The following NMRK2 variants were observed in gnomAD, a reference collection of about 807,000 sequenced individuals.
NMRK2 encodes the protein NRK 2.
NMRK2 carries 34 observed loss-of-function variants against 24.7 expected under a neutral mutation model. The ratio of observed to expected loss-of-function variants is 1.37; its 90% CI spans 1.05 to 1.83. NMRK2 has a LOEUF of 1.83. Among genes scored for constraint, NMRK2 ranks in the 40% most tolerant of loss-of-function variants. The pLI is 0.00. For synonymous variants in NMRK2, 145 were observed against 125.6 expected, an observed-to-expected ratio of 1.15 and a Z score of -1.03; for missense variants, 341 against 315.0, an observed-to-expected ratio of 1.08 and a Z score of -0.62.
At chr19:3,937,176 C>A in intron 3 of NMRK2, 64 bp from the exon 4 acceptor site, 2 of 1,563,204 alleles carry the variant, frequency 1.3e-6, no homozygotes, top group Non-Finnish European at 1.8e-6. Context: ...AAGACTCCAT[C>A]ACCCAGGCCG....
intron 2 of NMRK2, among the ~76,000 whole-genome samples, chr19:3,935,883 T>TG (rs1476098515): frequency 3.3e-5 from 5 of 152,036 alleles, no homozygotes; most frequent in Non-Finnish European, 7.4e-5. Context: ...TGCTGTTTTA[T>TG]TTTTTTAAGC....
chr19:3,933,511 T>G lies in NMRK2; in HGVS notation c.-161T>G. ...AACAGGTGCCGGCGCCTCCGCCCCA[T>G]CCCCAGGGGCCGCCTCCCCCGGGGC... On this transcript the variant is annotated 5_prime_UTR_variant, in exon 2 of 8. Transcript: ENST00000168977. The G allele has an allele frequency of 1.4e-6, 1 of 711,664 alleles. No homozygotes were observed. The highest frequency in any genetic ancestry group is 2.2e-6 in the Non-Finnish European group (1 of 461,764). 44.1% of individuals were successfully genotyped at this position (711,664 alleles called of 1,614,324 possible).
At chr19:3,939,849 G>A (rs763706235) in intron 5 of NMRK2, 51 bp from the exon 6 acceptor site, 60 of 1,525,946 alleles carry the variant, frequency 3.9e-5, no homozygotes, top group African/African-American at 1.2e-4. Context: ...TTTTGACTGC[G>A]GTTGAAGGAA....
rs113983965 is a variant in NMRK2 at position 3,939,877 on chromosome 19, C to A, written c.324-23C>A. The A allele has an allele frequency of 2.4e-5, 39 of 1,604,364 alleles. 1 individual carries two copies. Among genetic ancestry groups the A allele is most frequent in the Middle Eastern group, 1.6e-4 (1 of 6,076 alleles). ...TGAAGGAAAGCTCACAGGTGCTGAC[C>A]GTGTCTCCCCCACTCCGCCCAGGCC... On this transcript the variant is annotated intron_variant, in intron 5 of 7. Transcript: ENST00000168977.
chr19:3,934,462 G>A (rs564768322), intron 2 of NMRK2, among the ~76,000 whole-genome samples: 33 of 151,998 alleles, frequency 2.2e-4, no homozygotes, highest in Non-Finnish European at 4.1e-4. Context: ...GGCTGGCTTT[G>A]TGGGGCTCAC....
intron 4 of NMRK2, among the ~76,000 whole-genome samples, chr19:3,938,068 A>G (rs1426433755): frequency 2.3e-3 from 148 of 63,874 alleles, no homozygotes; most frequent in South Asian, 3.9e-3. Flanking sequence ...CCCGGGGTCC[A>G]CCCTCCTGCA....
chr19:3,934,780 A>G (rs1299393133), intron 2 of NMRK2, among the ~76,000 whole-genome samples: 1 of 151,724 alleles, frequency 6.6e-6, no homozygotes, highest in Non-Finnish European at 1.5e-5. Context: ...GGGGGGTTTC[A>G]CCATGTTGGC....
Position 3,936,666 on chromosome 19 carries a change from G to T in NMRK2, c.117+1G>T, listed in dbSNP as rs112942311. ...GATCCATCAGGATGACTTCTTCAAG[G>T]TGCCCGCCCTTGCCCGGGGAGGTGG... On this transcript the variant is annotated splice_donor_variant, in intron 3 of 7. Transcript: ENST00000168977. LOFTEE classifies it high-confidence loss of function. 2 of 1,560,542 alleles carry T rather than the reference G, an allele frequency of 1.3e-6. No homozygotes were observed. Among genetic ancestry groups the T allele is most frequent in the Non-Finnish European group, 1.7e-6 (2 of 1,152,788 alleles).
Position 3,933,713 on chromosome 19 carries a change from C to T in NMRK2, c.26+16C>T, listed in dbSNP as rs142397479. The T allele has an allele frequency of 2.1e-3, 3,023 of 1,426,062 alleles. 48 individuals carry two copies. The African/African-American group carries it at 0.039, about 19-fold the overall frequency. 88.3% of individuals were successfully genotyped at this position (1,426,062 alleles called of 1,614,324 possible). On this transcript the variant is annotated intron_variant, in intron 2 of 7. Coordinates refer to ENST00000168977, the MANE Select transcript of NMRK2 (RefSeq NM_170678.3). ...GCATCGGAGGGTGAGCGCCGGGGGA[C>T]CTGGTGGGCGGCCCTGCGGGGCAAA...
At chr19:3,941,040 T>G in intron 6 of NMRK2, 31 bp from the exon 7 acceptor site, 1 of 1,442,220 alleles carries the variant, frequency 6.9e-7, no homozygotes, top group South Asian at 1.2e-5. Flanking sequence ...CCTTCTGTGC[T>G]CTAAGCCATC....
intron 7 of NMRK2, 26 bp from the exon 8 acceptor site, chr19:3,942,057 C>A (rs2145310657): frequency 6.2e-7 from 1 of 1,605,716 alleles, no homozygotes; most frequent in Non-Finnish European, 8.5e-7. Context: ...CTCCCGGCAG[C>A]CCTGACGCAG....
In NMRK2 at chr19:3,939,980, G is replaced by A. The variant is rs746483461; in HGVS notation, c.395+9G>A. ...TGCAAGTGGAGGAGAAGGTGCACTT[G>A]GTGTCTGGGGGTGCGGTGGGCTCCT... On this transcript the variant is annotated intron_variant, in intron 6 of 7. Coordinates refer to ENST00000168977, the MANE Select transcript of NMRK2 (RefSeq NM_170678.3). The A allele has an allele frequency of 6.2e-7, 1 of 1,609,410 alleles. No homozygotes were observed. The highest frequency in any genetic ancestry group is 1.7e-5 in the Admixed American group (1 of 59,818).
intron 5 of NMRK2, among the ~76,000 whole-genome samples, chr19:3,939,676 T>C (rs1188567994): frequency 6.6e-6 from 1 of 152,122 alleles, no homozygotes; most frequent in Non-Finnish European, 1.5e-5. Context: ...ATTCTGTCTG[T>C]CTGTGCCCGT....
intron 4 of NMRK2, among the ~76,000 whole-genome samples, chr19:3,938,137 C>T (rs2039248739): frequency 7.7e-6 from 1 of 129,634 alleles, no homozygotes; most frequent in Non-Finnish European, 1.6e-5. Context: ...ACCTGCTCCC[C>T]GTCCACTGTC....
At chr19:3,935,547 C>T (rs930057847) in intron 2 of NMRK2, among the ~76,000 whole-genome samples, 4 of 151,138 alleles carry the variant, frequency 2.6e-5, no homozygotes, top group Admixed American at 1.3e-4. Context: ...TGACCCACCA[C>T]GACCAGCTAA....
At chr19:3,938,160 A>G (rs1173057017) in intron 4 of NMRK2, among the ~76,000 whole-genome samples, 35 of 61,216 alleles carry the variant, frequency 5.7e-4, no homozygotes, top group South Asian at 1.4e-3. Context: ...CCCGGGGTCC[A>G]CCCTCCTGCA....
intron 2 of NMRK2, 80 bp downstream of exon 2, chr19:3,933,777 T>G: frequency 7.7e-7 from 1 of 1,302,728 alleles, no homozygotes; most frequent in Non-Finnish European, 9.9e-7. Flanking sequence ...CGGGAATGAA[T>G]GGAGGGATGC....
intron 5 of NMRK2, 26 bp from the exon 6 acceptor site, chr19:3,939,874 G>C (rs1251645844): frequency 6.2e-7 from 1 of 1,604,054 alleles, no homozygotes; most frequent in South Asian, 1.1e-5. Flanking sequence ...CACAGGTGCT[G>C]ACCGTGTCTC....
chr19:3,940,335 C>CAAAA (rs978999079), intron 6 of NMRK2, among the ~76,000 whole-genome samples: 24 of 30,996 alleles, frequency 7.7e-4, no homozygotes, highest in African/African-American at 1.0e-3. Context: ...GACTCTGTCT[C>CAAAA]AAAAAAAAAA....
Sources: gnomAD v4.1 joint callset for allele counts (sites outside exome capture counted in the v4.1 genomes callset) on GRCh38, gnomAD v4.1.1 for gene constraint, MANE v1.5 for transcripts, NCBI Gene and HGNC (gene_info 2026-07-23, HGNC 2026-07-21) for gene names.